The following GSE1 variants were observed in gnomAD, a reference collection of about 807,000 sequenced individuals.
GSE1 encodes the protein Gse1 coiled-coil protein, also known as genetic suppressor element 1.
A neutral mutation model predicts 112.6 loss-of-function variants in GSE1; 32 were observed. The ratio of observed to expected loss-of-function variants is 0.28; its 90% confidence interval spans 0.21 to 0.38. The LOEUF (loss-of-function observed/expected upper bound fraction) is 0.38, where lower values mean the gene tolerates loss of function less well. Ranked by LOEUF, GSE1 falls within the 10% of genes least tolerant of loss-of-function variation. GSE1 has a pLI of 1.00. For missense variants in GSE1, 2,348 were observed against 1,699.2 expected (o/e 1.38, Z -6.71); for synonymous variants, 1,115 against 735.6 (o/e 1.52, Z -8.35).
intron 1 of GSE1, among the ~76,000 whole-genome samples, chr16:85,604,443 A>G (rs1278882185): frequency 6.6e-6 from 1 of 152,048 alleles, no homozygotes; most frequent in Non-Finnish European, 1.5e-5. Flanking sequence ...CTTTTTGGCT[A>G]TGATGAGCCA....
chr16:85,598,244 C>T, intron 1 of GSE1, among the ~76,000 whole-genome samples: 1 of 123,728 alleles, frequency 8.1e-6, no homozygotes, highest in Non-Finnish European at 1.6e-5. Flanking sequence ...CCAGAAGGTT[C>T]TTTGCAGCTG....
chr16:85,275,382 G>A (rs1391442844), intron 1 of GSE1, among the ~76,000 whole-genome samples: 2 of 152,294 alleles, frequency 1.3e-5, no homozygotes, highest in South Asian at 2.1e-4. Flanking sequence ...AGGCTCTGTC[G>A]GGAGAGCATG....
At chr16:85,298,143 C>T (rs776317808) in intron 1 of GSE1, among the ~76,000 whole-genome samples, 2 of 152,162 alleles carry the variant, frequency 1.3e-5, no homozygotes, top group Non-Finnish European at 2.9e-5. Flanking sequence ...AAAGCGGATT[C>T]GAATTCCGCA....
intron 2 of GSE1, among the ~76,000 whole-genome samples, chr16:85,433,850 G>A (rs1035094946): frequency 1.3e-5 from 2 of 152,028 alleles, no homozygotes; most frequent in African/African-American, 4.8e-5. Flanking sequence ...GATGTTGGTT[G>A]TACAGATGGA....
intron 7 of GSE1, 66 bp downstream of exon 7, chr16:85,656,731 C>G: frequency 6.9e-7 from 1 of 1,439,738 alleles, no homozygotes; most frequent in South Asian, 1.5e-5. Context: ...AGCCCTGAAT[C>G]GCAGCACCTG....
chr16:85,519,260 CCATCACTATCAT>C (rs1299702210), intron 2 of GSE1, among the ~76,000 whole-genome samples: 1 of 135,062 alleles, frequency 7.4e-6, no homozygotes, highest in Non-Finnish European at 1.7e-5. Flanking sequence ...ACTTTTACCA[CCATCACTATCAT>C]CATCACCATC....
intron 1 of GSE1, among the ~76,000 whole-genome samples, chr16:85,240,425 C>T (rs1272534226): frequency 1.3e-5 from 2 of 152,226 alleles, no homozygotes; most frequent in Non-Finnish European, 1.5e-5. Context: ...GTGTCAGCAT[C>T]CGGCACTTCC....
intron 2 of GSE1, among the ~76,000 whole-genome samples, chr16:85,368,560 C>T (rs868561751): frequency 6.6e-6 from 1 of 151,936 alleles, no homozygotes; most frequent in East Asian, 1.9e-4. Flanking sequence ...TTAAAATTAG[C>T]TGGGCGTGGT....
chr16:85,585,492 G>C (rs750770719), intron 1 of GSE1, among the ~76,000 whole-genome samples: 1 of 125,204 alleles, frequency 8.0e-6, no homozygotes, highest in African/African-American at 6.0e-5. Flanking sequence ...TGTCGCCTAC[G>C]TTTCTCCAAA....
At chr16:85,230,007 T>C (rs866008149) in intron 1 of GSE1, among the ~76,000 whole-genome samples, 1 of 152,214 alleles carries the variant, frequency 6.6e-6, no homozygotes, top group African/African-American at 2.4e-5. Context: ...TTGAAAGGGC[T>C]CTGGGAACGT....
intron 1 of GSE1, among the ~76,000 whole-genome samples, chr16:85,344,837 G>T (rs34791208): frequency 0.26 from 40,273 of 152,128 alleles, 5,598 homozygotes; most frequent in Non-Finnish European, 0.32. Flanking sequence ...GGAGCCGGTG[G>T]TGTAGACAAG....
rs2052606827 is a variant in GSE1 at position 85,663,591 on chromosome 16, ACAT to A, written c.2624_2626del (p.Ile875del). 5 of 1,613,816 alleles carry A rather than the reference ACAT, an allele frequency of 3.1e-6. No individual in the cohort carries two copies. The highest frequency in any genetic ancestry group is 3.4e-6 in the Non-Finnish European group (4 of 1,179,940). On this transcript the variant is annotated inframe_deletion, in exon 11 of 16. Transcript: ENST00000253458. ...TTCCTGACCATCTTCAACCTGACCCACATCAGCGCTGAGAAGAGGAAAGGTAGG... is the reference window on the plus strand; with the variant it reads ...TTCCTGACCATCTTCAACCTGACCCACAGCGCTGAGAAGAGGAAAGGTAGG...
At chr16:85,326,230 G>A (rs372532118) in intron 1 of GSE1, among the ~76,000 whole-genome samples, 39 of 152,148 alleles carry the variant, frequency 2.6e-4, no homozygotes, top group African/African-American at 9.4e-4. Context: ...AAGCCTAAGG[G>A]TTAATGAGGA....
At chr16:85,261,994 G>A (rs1381345683) in intron 1 of GSE1, among the ~76,000 whole-genome samples, 2 of 152,094 alleles carry the variant, frequency 1.3e-5, no homozygotes, top group African/African-American at 4.8e-5. Context: ...CTTTACAGAT[G>A]GGCAGACTGA....
chr16:85,287,621 C>T (rs905168557), intron 1 of GSE1, among the ~76,000 whole-genome samples: 1 of 152,078 alleles, frequency 6.6e-6, no homozygotes, highest in Non-Finnish European at 1.5e-5. Context: ...TCGCTTCCTT[C>T]GGCCTTTCCA....
intron 1 of GSE1, among the ~76,000 whole-genome samples, chr16:85,294,274 C>G (rs571180424): frequency 3.9e-5 from 6 of 152,180 alleles, no homozygotes; most frequent in Non-Finnish European, 8.8e-5. Flanking sequence ...CAGAGTCCAC[C>G]TCTGGTTTTG....
chr16:85,467,311 A>G (rs1221761030), intron 2 of GSE1, among the ~76,000 whole-genome samples: 1 of 152,192 alleles, frequency 6.6e-6, no homozygotes, highest in African/African-American at 2.4e-5. Context: ...CCTCATCTCT[A>G]AAAGGGGAAA....
At chr16:85,536,915 T>C (rs910375056) in intron 2 of GSE1, among the ~76,000 whole-genome samples, 17 of 152,164 alleles carry the variant, frequency 1.1e-4, no homozygotes, top group Non-Finnish European at 2.2e-4. Context: ...CGAGGAATGG[T>C]GACCCTGTGC....
At chr16:85,326,428 GAA>G (rs1461628431) in intron 1 of GSE1, among the ~76,000 whole-genome samples, 1 of 152,216 alleles carries the variant, frequency 6.6e-6, no homozygotes, top group African/African-American at 2.4e-5. Flanking sequence ...ATCTCATTTT[GAA>G]TGGTAATCCC....
Sources: allele counts gnomAD v4.1 joint callset (sites outside exome capture counted in the v4.1 genomes callset), GRCh38; gene constraint gnomAD v4.1.1; transcripts MANE v1.5; gene names NCBI Gene and HGNC (gene_info 2026-07-23, HGNC 2026-07-21).